The following ADCY2 variants were observed in gnomAD, a reference collection of about 807,000 sequenced individuals.
ADCY2 encodes adenylate cyclase type 2.
In ADCY2, 31 loss-of-function variants were observed where a neutral mutation model predicts 125.2. The ratio of observed to expected loss-of-function variants is 0.25; its 90% CI spans 0.19 to 0.33. The LOEUF (loss-of-function observed/expected upper bound fraction) is 0.33, where lower values mean the gene tolerates loss of function less well. Ranked by LOEUF, ADCY2 falls within the 10% of genes least tolerant of loss-of-function variation. The pLI is 1.00. For synonymous variants in ADCY2, 512 were observed against 548.4 expected, an observed-to-expected ratio of 0.93 and a Z score of 0.93; for missense variants, 904 against 1,418.2, an observed-to-expected ratio of 0.64 and a Z score of 5.82.
chr5:7,782,416 G>A (rs935356678), intron 18 of ADCY2: 2 of 153,446 alleles, frequency 1.3e-5, no homozygotes, highest in African/African-American at 2.4e-5. Context: ...TGTCTAAGAG[G>A]ATCCTACCTA....
intron 3 of ADCY2, among the ~76,000 whole-genome samples, chr5:7,547,196 C>T (rs1453540705): frequency 6.6e-6 from 1 of 152,190 alleles, no homozygotes; most frequent in African/African-American, 2.4e-5. Flanking sequence ...AGACTGCTGG[C>T]TTTCTTACTT....
chr5:7,772,933 A>G lies in ADCY2; in HGVS notation c.2216A>G (p.Tyr739Cys). Residue 739 changes from tyrosine (Y) to cysteine (C), a missense_variant and splice_region_variant, in exon 18 of 25, where the codon TAC becomes TGC. Coordinates refer to ENST00000338316, the MANE Select transcript of ADCY2 (RefSeq NM_020546.3). ...LRAQNLFFLPYFIYSCILGLI... is the reference protein window; with the variant it reads ...LRAQNLFFLPCFIYSCILGLI... The stretch of plus-strand genomic sequence containing the variant: ...GTCTGGTGTCCTTCCCTGTTTCAGT[A>G]CTTTATCTACAGCTGCATTCTGGGA... 1 of 1,613,908 alleles carries G rather than the reference A, an allele frequency of 6.2e-7. No individual in the cohort carries two copies. The highest frequency in any genetic ancestry group is 8.5e-7 in the Non-Finnish European group (1 of 1,179,862).
chr5:7,675,780 T>A (rs1420951733), intron 4 of ADCY2, among the ~76,000 whole-genome samples: 1 of 152,186 alleles, frequency 6.6e-6, no homozygotes, highest in East Asian at 1.9e-4. Flanking sequence ...GGTGTGTAGG[T>A]AGGACTGGAT....
At chr5:7,672,005 T>C (rs916655222) in intron 4 of ADCY2, among the ~76,000 whole-genome samples, 5 of 152,128 alleles carry the variant, frequency 3.3e-5, no homozygotes, top group Non-Finnish European at 4.4e-5. Context: ...GTGACTTTTG[T>C]GCTCTCTGAT....
intron 4 of ADCY2, among the ~76,000 whole-genome samples, chr5:7,676,092 G>A (rs1054829859): frequency 1.2e-4 from 18 of 152,260 alleles, no homozygotes; most frequent in African/African-American, 3.9e-4. Context: ...TAGCTTTGCA[G>A]TATTGGGTAA....
At chr5:7,636,565 G>T (rs114066579) in intron 4 of ADCY2, among the ~76,000 whole-genome samples, 5 of 152,216 alleles carry the variant, frequency 3.3e-5, no homozygotes, top group Admixed American at 3.3e-4. Context: ...AAGGAGGTAG[G>T]GGGGATGGAA....
rs80267065 is a variant in ADCY2 at position 7,648,974 on chromosome 5, C to A, written c.720+22658C>A. ...TTGAGAGCTCTGTGATACATCAGTT[C>A]TTCGGCTAAGAAAATGCTATCATTT... On this transcript the variant is annotated intron_variant, in intron 4 of 24. Coordinates refer to ENST00000338316, the MANE Select transcript of ADCY2 (RefSeq NM_020546.3). Among the ~76,000 whole-genome samples, 4 of 152,294 alleles carry A rather than the reference C, an allele frequency of 2.6e-5. No homozygotes were observed. In the East Asian group the frequency reaches 7.7e-4, roughly 29 times the overall value.
intron 3 of ADCY2, among the ~76,000 whole-genome samples, chr5:7,547,599 T>G (rs2126569229): frequency 6.6e-6 from 1 of 152,316 alleles, no homozygotes; most frequent in East Asian, 1.9e-4. Flanking sequence ...GCTTCTGAGC[T>G]TGCCTGTCTC....
intron 2 of ADCY2, among the ~76,000 whole-genome samples, chr5:7,444,754 T>TAACA (rs758211750): frequency 1.3e-5 from 2 of 152,188 alleles, no homozygotes; most frequent in Non-Finnish European, 2.9e-5. Flanking sequence ...CAGTAGTGCC[T>TAACA]AACAGTGCCT....
chr5:7,516,228 A>G (rs1365466775), intron 2 of ADCY2, among the ~76,000 whole-genome samples: 1 of 152,220 alleles, frequency 6.6e-6, no homozygotes, highest in East Asian at 1.9e-4. Flanking sequence ...AGTAAATAAT[A>G]TATTTGTGAT....
chr5:7,525,552 C>CT (rs574452130), intron 3 of ADCY2, among the ~76,000 whole-genome samples: 17 of 150,668 alleles, frequency 1.1e-4, no homozygotes, highest in South Asian at 2.1e-4. Context: ...TTTTCTTTTT[C>CT]TTTTTTTTTA....
intron 3 of ADCY2, among the ~76,000 whole-genome samples, chr5:7,545,169 A>G (rs1223463766): frequency 1.2e-4 from 19 of 152,218 alleles, no homozygotes; most frequent in African/African-American, 4.3e-4. Context: ...TGGATGGGAT[A>G]ACATCAGAAC....
intron 5 of ADCY2, among the ~76,000 whole-genome samples, chr5:7,694,927 A>G (rs1740841533): frequency 6.6e-6 from 1 of 152,154 alleles, no homozygotes; most frequent in African/African-American, 2.4e-5. Context: ...CTCATCCACA[A>G]CCATTATTTG....
intron 2 of ADCY2, among the ~76,000 whole-genome samples, chr5:7,478,254 G>A (rs996510472): frequency 2.6e-5 from 4 of 152,078 alleles, no homozygotes; most frequent in Non-Finnish European, 5.9e-5. Flanking sequence ...CTAGTTGACC[G>A]ATAACAAAAG....
intron 12 of ADCY2, among the ~76,000 whole-genome samples, chr5:7,717,439 A>G (rs1741623748): frequency 6.6e-6 from 1 of 152,238 alleles, no homozygotes; most frequent in Admixed American, 6.5e-5. Context: ...CTGCCTAGAA[A>G]ATATTCCCAA....
rs1432713970 is a variant in ADCY2 at position 7,693,422 on chromosome 5, T to G, written c.870-2330T>G. On this transcript the variant is annotated intron_variant, in intron 5 of 24. Coordinates refer to ENST00000338316, the MANE Select transcript of ADCY2 (RefSeq NM_020546.3). ...TTGCCTGCTGTTTTTTGTTTTTTTT[T>G]TTTTTTTTTTTTTTGAGACGGAGTC... Among the ~76,000 whole-genome samples, 114 of 136,394 alleles carry G rather than the reference T, an allele frequency of 8.4e-4. 2 individuals carry two copies. The highest frequency in any genetic ancestry group is 3.6e-3 in the Middle Eastern group (1 of 274). 89.5% of individuals were successfully genotyped at this position (136,394 alleles called of 152,430 possible). A position where few individuals can be genotyped will look rare whatever the true frequency, so the allele number is the denominator to read the frequency against.
At chr5:7,499,465 T>G (rs1743467403) in intron 2 of ADCY2, among the ~76,000 whole-genome samples, 1 of 151,958 alleles carries the variant, frequency 6.6e-6, no homozygotes, top group Non-Finnish European at 1.5e-5. Flanking sequence ...CTTTTGTATT[T>G]TGATGCCACA....
At chr5:7,527,095 T>C (rs1288680755) in intron 3 of ADCY2, among the ~76,000 whole-genome samples, 1 of 152,206 alleles carries the variant, frequency 6.6e-6, no homozygotes, top group East Asian at 1.9e-4. Flanking sequence ...AAATTGGGAC[T>C]AGGAAAAGAA....
intron 3 of ADCY2, among the ~76,000 whole-genome samples, chr5:7,526,375 G>C (rs1178361473): frequency 6.6e-6 from 1 of 152,204 alleles, no homozygotes; most frequent in Non-Finnish European, 1.5e-5. Flanking sequence ...TGCAGGTAGA[G>C]AGAAGGATAA....
Sources: allele counts gnomAD v4.1 joint callset (sites outside exome capture counted in the v4.1 genomes callset), GRCh38; gene constraint gnomAD v4.1.1; transcripts MANE v1.5; gene names NCBI Gene and HGNC (gene_info 2026-07-23, HGNC 2026-07-21).